The following NDE1 variants were observed in gnomAD, a reference collection of about 807,000 sequenced individuals.
NDE1 encodes nuclear distribution protein nudE homolog 1.
A neutral mutation model predicts 43.4 loss-of-function variants in NDE1; 28 were observed. The ratio of observed to expected loss-of-function variants is 0.65; its 90% CI spans 0.48 to 0.89. The LOEUF is 0.89. Among genes scored for constraint, NDE1 ranks in the 40% least tolerant of loss-of-function variants. The probability of loss-of-function intolerance (pLI) is 0.00; values close to 1 mark genes in which losing one functional copy is unlikely to be tolerated. For missense variants in NDE1, 441 were observed against 434.1 expected, an observed-to-expected ratio of 1.02 and a Z score of -0.14; for synonymous variants, 184 against 172.0, an observed-to-expected ratio of 1.07 and a Z score of -0.55.
In NDE1 at chr16:15,724,777, C is replaced by A; in HGVS notation, c.*526C>A. The A allele has an allele frequency of 6.2e-7, 1 of 1,614,036 alleles. No individual in the cohort carries two copies. Among genetic ancestry groups the A allele is most frequent in the Non-Finnish European group, 8.5e-7 (1 of 1,180,024 alleles). On this transcript the variant is annotated 3_prime_UTR_variant, in exon 9 of 9. Transcript: ENST00000396354. Reference sequence around the variant, plus strand: ...CTTCGTAGACACGTTGAGCTTCTGCCGGGTTTCTTCTTGAAGCAGCTCCTG... The same window carrying A: ...CTTCGTAGACACGTTGAGCTTCTGCAGGGTTTCTTCTTGAAGCAGCTCCTG...
At chr16:15,694,576 G>A in intron 7 of NDE1, 21 of 948,112 alleles carry the variant, frequency 2.2e-5, no homozygotes, top group Non-Finnish European at 2.6e-5. Flanking sequence ...TTAAACTCCT[G>A]GCCTCAAGTG....
chr16:15,691,397 G>T, intron 6 of NDE1, 74 bp downstream of exon 6: 2 of 1,517,692 alleles, frequency 1.3e-6, no homozygotes, highest in Admixed American at 3.8e-5. Flanking sequence ...GGTGGGTCCT[G>T]GGGGTGTGAT....
At chr16:15,690,353 CTTTTT>C (rs869069843) in intron 5 of NDE1, among the ~76,000 whole-genome samples, 2 of 80,986 alleles carry the variant, frequency 2.5e-5, no homozygotes, top group African/African-American at 1.0e-4. Flanking sequence ...TTTTTTTTTT[CTTTTT>C]TTTTTTTTTT....
chr16:15,704,649 G>A (rs2039351979), intron 8 of NDE1, among the ~76,000 whole-genome samples: 1 of 152,174 alleles, frequency 6.6e-6, no homozygotes, highest in African/African-American at 2.4e-5. Context: ...GGGCAGCCTT[G>A]AGAAGGACAC....
At chr16:15,664,885 TC>T in intron 2 of NDE1, 24 bp downstream of exon 2, 2 of 1,551,502 alleles carry the variant, frequency 1.3e-6, no homozygotes, top group Non-Finnish European at 1.8e-6. Context: ...CACCTGCTTT[TC>T]CTTTTTTTTT....
chr16:15,661,527 A>G (rs935944980), intron 1 of NDE1, among the ~76,000 whole-genome samples: 1 of 151,310 alleles, frequency 6.6e-6, no homozygotes, highest in African/African-American at 2.4e-5. Context: ...TGGCATGGTC[A>G]TGGGTCACTG....
intron 1 of NDE1, among the ~76,000 whole-genome samples, chr16:15,658,426 C>T (rs982974737): frequency 2.0e-5 from 3 of 152,136 alleles, no homozygotes; most frequent in African/African-American, 7.2e-5. Flanking sequence ...ACCTCTGTCA[C>T]TGGCTCATCG....
rs193282946 is a variant in NDE1 at position 15,689,446 on chromosome 16, T to A, written c.524-1698T>A. ...GTTCAAGGTTACATTGAGCTATGAT[T>A]GTGCCACCGCACCCCAGCCTGGGTG... On this transcript the variant is annotated intron_variant, in intron 5 of 8. Transcript: ENST00000396354. Among the ~76,000 whole-genome samples the A allele has an allele frequency of 9.9e-5, 15 of 152,244 alleles. No individual in the cohort carries two copies. In the East Asian group the frequency reaches 2.7e-3, roughly 28 times the overall value.
At chr16:15,701,344 A>G (rs2039214741) in intron 8 of NDE1, 1 of 151,996 alleles carries the variant, frequency 6.6e-6, no homozygotes, top group African/African-American at 2.4e-5. Context: ...AATTTTCCAG[A>G]CCAACCAGCG....
At chr16:15,711,507 AAT>A (rs2039792733) in intron 8 of NDE1, among the ~76,000 whole-genome samples, 1 of 152,138 alleles carries the variant, frequency 6.6e-6, no homozygotes, top group Admixed American at 6.6e-5. Flanking sequence ...CTGGTTTAAA[AAT>A]ATAGAGGAGG....
At chr16:15,673,944 G>C (rs951880091) in intron 3 of NDE1, among the ~76,000 whole-genome samples, 1 of 152,170 alleles carries the variant, frequency 6.6e-6, no homozygotes, top group Non-Finnish European at 1.5e-5. Context: ...CAGGAGGCTG[G>C]GGTTTGGTCT....
At chr16:15,718,558 TGGAGAAGATTA>T in intron 8 of NDE1, 1 of 1,397,076 alleles carries the variant, frequency 7.2e-7, no homozygotes, top group African/African-American at 1.4e-5. Flanking sequence ...AACTGAGGCT[TGGAGAAGATTA>T]GAAGACTCAT....
intron 5 of NDE1, among the ~76,000 whole-genome samples, chr16:15,688,472 T>TA (rs2038551783): frequency 1.3e-5 from 2 of 151,280 alleles, no homozygotes; most frequent in Non-Finnish European, 2.9e-5. Context: ...CCATCTCTAC[T>TA]AAAAATAGAA....
chr16:15,655,142 C>G (rs926910174), intron 1 of NDE1, among the ~76,000 whole-genome samples: 2 of 152,044 alleles, frequency 1.3e-5, no homozygotes, highest in Non-Finnish European at 2.9e-5. Context: ...CTCAGCCACC[C>G]AAGTAGCTGG....
chr16:15,720,710 G>C (rs2040420933), intron 8 of NDE1: 5 of 1,044,636 alleles, frequency 4.8e-6, no homozygotes, highest in Non-Finnish European at 5.7e-6. Context: ...TCCAGCCTGG[G>C]CGACAGAGCG....
At chr16:15,722,404 A>G (rs1241499570) in intron 8 of NDE1, among the ~76,000 whole-genome samples, 1 of 152,186 alleles carries the variant, frequency 6.6e-6, no homozygotes, top group Non-Finnish European at 1.5e-5. Context: ...CGTTAATCTC[A>G]TCTTCAGAGA....
chr16:15,654,507 A>G (rs1212600795), intron 1 of NDE1, among the ~76,000 whole-genome samples: 14 of 145,498 alleles, frequency 9.6e-5, no homozygotes, highest in Non-Finnish European at 4.5e-5. Flanking sequence ...ACGCTGAGGT[A>G]GGAGAATCGC....
rs367777697 is a variant in NDE1, at chr16:15,667,358, G to A, written c.156G>A (p.Thr52=). The A allele has an allele frequency of 1.2e-5, 19 of 1,613,930 alleles. No homozygotes were observed. The highest frequency in any genetic ancestry group is 4.5e-5 in the East Asian group (2 of 44,886). The part of the protein sequence containing the change: ...GSREYEAELE[T]QLQQIETRNR... ...GAGAATATGAAGCTGAATTGGAGAC[G>A]CAGCTGCAACAAATTGAAACCAGGA... The change falls in exon 3 of 9, where the codon ACG becomes ACA. Residue 52 remains threonine, a synonymous_variant. Transcript: ENST00000396354.
chr16:15,675,317 G>A (rs1177920331), intron 3 of NDE1, among the ~76,000 whole-genome samples: 2 of 151,882 alleles, frequency 1.3e-5, no homozygotes, highest in African/African-American at 4.8e-5. Context: ...GCCTGCCTCA[G>A]CTTCCCAAGT....
Sources: allele counts gnomAD v4.1 joint callset (sites outside exome capture counted in the v4.1 genomes callset), GRCh38; gene constraint gnomAD v4.1.1; transcripts MANE v1.5; gene names NCBI Gene and HGNC (gene_info 2026-07-23, HGNC 2026-07-21).